The following SNX29 variants were observed in gnomAD, a reference collection of about 807,000 sequenced individuals.
SNX29 encodes the protein sorting nexin-29.
In SNX29, 78 loss-of-function variants were observed where a neutral mutation model predicts 102.1. The observed-to-expected ratio is 0.76, with a 90% CI of 0.64 to 0.92. The LOEUF (loss-of-function observed/expected upper bound fraction) is 0.92. SNX29 is among the 40% of genes least tolerant of loss of function. SNX29 has a pLI of 0.00. For synonymous variants in SNX29, 580 were observed against 414.5 expected (o/e 1.40, Z -4.85); for missense variants, 1,280 against 1,061.7 (o/e 1.21, Z -2.86).
chr16:12,222,025 T>C (rs1167405047), intron 14 of SNX29, among the ~76,000 whole-genome samples: 1 of 152,194 alleles, frequency 6.6e-6, no homozygotes, highest in African/African-American at 2.4e-5. Flanking sequence ...TGATAAAGAA[T>C]AAAAGCTAAA....
At chr16:12,477,927 T>G (rs752720329) in intron 19 of SNX29, 68 bp downstream of exon 19, 4 of 1,486,046 alleles carry the variant, frequency 2.7e-6, no homozygotes, top group Non-Finnish European at 3.6e-6. Context: ...ATTCTTCTTC[T>G]TTAGTCCGTT....
intron 14 of SNX29, among the ~76,000 whole-genome samples, chr16:12,244,632 C>A (rs1007902601): frequency 3.9e-5 from 6 of 152,032 alleles, no homozygotes; most frequent in Non-Finnish European, 8.8e-5. Flanking sequence ...TCATCCAAAT[C>A]ACCTATGCAG....
At chr16:12,483,953 G>C (rs534693933) in intron 19 of SNX29, among the ~76,000 whole-genome samples, 1 of 152,348 alleles carries the variant, frequency 6.6e-6, no homozygotes, top group South Asian at 2.1e-4. Flanking sequence ...AGTCACTCCA[G>C]ATGTTAGTGA....
chr16:12,526,956 C>T (rs988896048), intron 20 of SNX29: 15 of 395,878 alleles, frequency 3.8e-5, no homozygotes, highest in Non-Finnish European at 6.2e-5. Flanking sequence ...CTAATTAGCA[C>T]GCAGAACAGA....
At chr16:12,280,879 A>G (rs558008079) in intron 15 of SNX29, among the ~76,000 whole-genome samples, 1 of 152,304 alleles carries the variant, frequency 6.6e-6, no homozygotes, top group South Asian at 2.1e-4. Context: ...CCGTGTCAGA[A>G]GGGCAAAGGA....
At chr16:12,219,987 A>G (rs36024238) in intron 14 of SNX29, among the ~76,000 whole-genome samples, 9,623 of 151,470 alleles carry the variant, frequency 0.064, 477 homozygotes, top group South Asian at 0.3. Flanking sequence ...CCCGGCCTCA[A>G]CTCTCTCTGT....
At chr16:12,020,347 G>A (rs552633880) in intron 3 of SNX29, among the ~76,000 whole-genome samples, 5 of 151,866 alleles carry the variant, frequency 3.3e-5, no homozygotes, top group Admixed American at 2.0e-4. Context: ...TAATCTTAAC[G>A]CTTTAAAAAA....
intron 20 of SNX29, among the ~76,000 whole-genome samples, chr16:12,545,254 C>A (rs773028764): frequency 1.3e-5 from 2 of 152,198 alleles, no homozygotes; most frequent in Admixed American, 1.3e-4. Context: ...CAAGTGGCTC[C>A]AAAGAGTACT....
chr16:12,208,772 TTG>T (rs562900062), intron 14 of SNX29, among the ~76,000 whole-genome samples: 15 of 151,800 alleles, frequency 9.9e-5, no homozygotes, highest in Non-Finnish European at 1.9e-4. Context: ...GCCCAGAAGG[TTG>T]AGACTGCACT....
chr16:12,202,639 C>A (rs1596494473), intron 14 of SNX29, among the ~76,000 whole-genome samples: 1 of 152,190 alleles, frequency 6.6e-6, no homozygotes, highest in Non-Finnish European at 1.5e-5. Context: ...GCCACGGAGC[C>A]AGTGTAGGGA....
At chr16:12,309,576 C>T (rs921593131) in intron 15 of SNX29, among the ~76,000 whole-genome samples, 9 of 152,182 alleles carry the variant, frequency 5.9e-5, no homozygotes, top group Admixed American at 1.3e-4. Flanking sequence ...CTGACTTGTT[C>T]ACCATGGTGT....
chr16:12,117,415 T>TACGTGCTTCAAC (rs2053778345), intron 11 of SNX29, among the ~76,000 whole-genome samples: 2 of 70,332 alleles, frequency 2.8e-5, no homozygotes, highest in African/African-American at 6.6e-5. Flanking sequence ...CGTGCTTCAA[T>TACGTGCTTCAAC]GCGGACGAAC....
At chr16:12,198,941 G>A (rs8062913) in intron 13 of SNX29, among the ~76,000 whole-genome samples, 49,277 of 152,004 alleles carry the variant, frequency 0.32, 8,559 homozygotes, top group East Asian at 0.45. Context: ...CTCATGTTCT[G>A]TTGTCACCCA....
At position 12,571,260 on chromosome 16, in the gene SNX29, A is replaced by G. The variant is rs1299587682; in HGVS notation, c.*2631A>G. The G allele has an allele frequency of 1.3e-5, 3 of 232,040 alleles. No individual in the cohort carries two copies. The highest frequency in any genetic ancestry group is 6.6e-5 in the African/African-American group (3 of 45,258). 14.4% of individuals were successfully genotyped at this position (232,040 alleles called of 1,614,324 possible). A position where few individuals can be genotyped will look rare whatever the true frequency, so the allele number is the denominator to read the frequency against. On this transcript the variant is annotated 3_prime_UTR_variant, in exon 21 of 21. Transcript: ENST00000566228. ...TGGAGCAGAAACACCCAGGCCTAGC[A>G]GAATTGTGGCTGAAACCTGGTGCCC...
At chr16:12,414,988 G>A (rs1412874985) in intron 18 of SNX29, among the ~76,000 whole-genome samples, 2 of 152,150 alleles carry the variant, frequency 1.3e-5, no homozygotes, top group African/African-American at 4.8e-5. Context: ...CTCCCAAAGT[G>A]CTGGAATTAC....
chr16:12,486,462 C>G (rs997931737), intron 19 of SNX29, among the ~76,000 whole-genome samples: 1 of 152,240 alleles, frequency 6.6e-6, no homozygotes, highest in African/African-American at 2.4e-5. Flanking sequence ...GGGTAGACAA[C>G]TCTTACTGTT....
At chr16:12,434,042 C>G (rs914188451) in intron 18 of SNX29, among the ~76,000 whole-genome samples, 2 of 152,164 alleles carry the variant, frequency 1.3e-5, no homozygotes, top group African/African-American at 2.4e-5. Context: ...TGCTTGTTCT[C>G]TTGCCCAGAC....
intron 7 of SNX29, among the ~76,000 whole-genome samples, chr16:12,050,986 G>A (rs1717951469): frequency 6.6e-6 from 1 of 152,022 alleles, no homozygotes; most frequent in African/African-American, 2.4e-5. Context: ...CTCCCAAAGT[G>A]CTGGGATTAT....
chr16:12,101,301 C>CTTTTTTTTTTTTTTT (rs1212782573), intron 11 of SNX29, among the ~76,000 whole-genome samples: 1 of 118,572 alleles, frequency 8.4e-6, no homozygotes, highest in Non-Finnish European at 1.6e-5. Flanking sequence ...CCCCCCCCAA[C>CTTTTTTTTTTTTTTT]TTTTTTTTTT....
Sources: gnomAD v4.1 joint callset for allele counts (sites outside exome capture counted in the v4.1 genomes callset) on GRCh38, gnomAD v4.1.1 for gene constraint, MANE v1.5 for transcripts, NCBI Gene and HGNC (gene_info 2026-07-23, HGNC 2026-07-21) for gene names.